STAC3: variants seen among roughly 807,000 people sequenced by gnomAD.
STAC3 encodes SH3 and cysteine-rich domain-containing protein 3.
Under a neutral mutation model 48.5 loss-of-function variants are expected in STAC3, and 30 were observed. The observed-to-expected ratio is 0.62, with a 90% CI of 0.46 to 0.84. The LOEUF is 0.84. Ranked by LOEUF, STAC3 falls within the 40% of genes least tolerant of loss-of-function variation. The probability of loss-of-function intolerance (pLI) is 0.00; values close to 1 mark genes in which losing one functional copy is unlikely to be tolerated. For missense variants in STAC3, 419 were observed against 462.6 expected, an observed-to-expected ratio of 0.91 and a Z score of 0.86; for synonymous variants, 144 against 158.6, an observed-to-expected ratio of 0.91 and a Z score of 0.69.
In STAC3 at chr12:57,246,205, A is replaced by G. The variant is rs555141837; in HGVS notation, c.603+599T>C. Among the ~76,000 whole-genome samples, 11 of 152,038 alleles carry G rather than the reference A, an allele frequency of 7.2e-5. No individual in the cohort carries two copies. The East Asian group carries it at 1.4e-3, about 19-fold the overall frequency. ...TATGTTAGCCCTTCTGGAAGCAGCC[A>G]TATCACATTGCTAGTGCCTTACAAG... On this transcript the variant is annotated intron_variant, in intron 6 of 11. Coordinates refer to ENST00000332782, the MANE Select transcript of STAC3 (RefSeq NM_145064.3).
chr12:57,250,626 G>A (rs2037879233), intron 1 of STAC3, among the ~76,000 whole-genome samples: 1 of 152,132 alleles, frequency 6.6e-6, no homozygotes, highest in Non-Finnish European at 1.5e-5. Flanking sequence ...TCTTCAAGAG[G>A]TTTAATGTGT....
intron 2 of STAC3, 86 bp from the exon 3 acceptor site, chr12:57,249,394 T>C: frequency 6.6e-7 from 1 of 1,508,606 alleles, no homozygotes; most frequent in Non-Finnish European, 8.9e-7. Context: ...AACTAGACAG[T>C]TTTCTAGTTT....
intron 6 of STAC3, among the ~76,000 whole-genome samples, chr12:57,245,608 G>T (rs2136825518): frequency 6.6e-6 from 1 of 152,160 alleles, no homozygotes. Flanking sequence ...CTGACCTCGT[G>T]ATCCACCAGC....
At chr12:57,250,281 T>C (rs2037869820) in intron 1 of STAC3, among the ~76,000 whole-genome samples, 1 of 149,008 alleles carries the variant, frequency 6.7e-6, no homozygotes, top group Non-Finnish European at 1.5e-5. Flanking sequence ...TCCCATCCAC[T>C]CAGGAAGCTG....
rs754506988 is a variant in STAC3, at chr12:57,248,703, C to G, written c.432+3G>C. 6.2e-7 allele frequency: 1 copy of G among 1,612,696 alleles called. No homozygotes were observed. Among genetic ancestry groups the G allele is most frequent in the South Asian group, 1.1e-5 (1 of 91,010 alleles). On this transcript the variant is annotated splice_donor_region_variant and intron_variant, in intron 4 of 11. Coordinates refer to ENST00000332782, the MANE Select transcript of STAC3 (RefSeq NM_145064.3). ...CCCTCCTTGCTCTCCACAGCCTACT[C>G]ACGATCTTGCCGAAGCATCTCTGCA...
intron 8 of STAC3, 29 bp from the exon 9 acceptor site, chr12:57,244,651 A>G: frequency 3.1e-6 from 5 of 1,612,808 alleles, no homozygotes; most frequent in Non-Finnish European, 4.2e-6. Context: ...GATGAGTCTT[A>G]GGGCTCCTCT....
At chr12:57,247,887 G>T (rs2037791114) in intron 5 of STAC3, among the ~76,000 whole-genome samples, 2 of 152,184 alleles carry the variant, frequency 1.3e-5, no homozygotes, top group Admixed American at 6.5e-5. Flanking sequence ...AGCAACTGAA[G>T]ATTCCAGTCT....
In STAC3 at chr12:57,244,244, A is replaced by G. The variant is rs1339495630; in HGVS notation, c.859-19T>C. ...TTTTCCCCTAGGGAAGATAGTAGGG[A>G]GAGTCCATCTCTCAATGTCGGGTTC... On this transcript the variant is annotated intron_variant, in intron 10 of 11. Transcript: ENST00000332782. 5 of 1,614,190 alleles carry G rather than the reference A, an allele frequency of 3.1e-6. No homozygotes were observed. Among genetic ancestry groups the G allele is most frequent in the Non-Finnish European group, 4.2e-6 (5 of 1,180,034 alleles).
intron 7 of STAC3, 22 bp downstream of exon 7, chr12:57,245,123 G>C (rs762559982): frequency 1.9e-6 from 3 of 1,613,474 alleles, no homozygotes; most frequent in Non-Finnish European, 2.5e-6. Flanking sequence ...TCCATCTCTG[G>C]ATGGAGGTGG....
chr12:57,250,000 C>T (rs2037864526), intron 1 of STAC3, among the ~76,000 whole-genome samples: 1 of 152,156 alleles, frequency 6.6e-6, no homozygotes, highest in African/African-American at 2.4e-5. Flanking sequence ...CCTGTTTCAA[C>T]CTCCCAAATT....
chr12:57,243,679 C>G lies in STAC3; in HGVS notation c.*133G>C, dbSNP rs1310168760. 1.2e-6 allele frequency: 1 copy of G among 837,056 alleles called. No individual in the cohort carries two copies. The allele number at this position is 837,056 out of a possible 1,614,324, so 51.9% of individuals were successfully genotyped here. On this transcript the variant is annotated 3_prime_UTR_variant, in exon 12 of 12. Transcript: ENST00000332782. ...CGAGAACCAGTCCCTTCCCGGAAGC[C>G]CCGTCGCGCTCAGGCGGGCCTTCCT...
rs988297897 is a variant in STAC3, at chr12:57,248,971, C to G, written c.334+70G>C. ...CACAGCCCATCTGCTACAAATACTC[C>G]TCTCCTATGCCCTCTCCCCAAACCT... On this transcript the variant is annotated intron_variant, in intron 3 of 11. Transcript: ENST00000332782. The G allele has an allele frequency of 2.5e-5, 39 of 1,560,926 alleles. No individual in the cohort carries two copies. In the Middle Eastern group the frequency reaches 5.2e-4, roughly 21 times the overall value.
At chr12:57,245,285 G>C in intron 6 of STAC3, 74 bp from the exon 7 acceptor site, 2 of 1,332,760 alleles carry the variant, frequency 1.5e-6, no homozygotes, top group Non-Finnish European at 2.1e-6. Context: ...TCAGGTCAGA[G>C]AACTATAGAA....
rs373808818 is a variant in STAC3, at chr12:57,244,170, C to T, written c.914G>A (p.Arg305Gln). The change falls in exon 11 of 12, where the codon CGG (arginine) becomes CAG (glutamine). Residue 305 changes from arginine to glutamine, a missense_variant. Transcript: ENST00000332782. Reference sequence around the variant, plus strand: ...CACGCGGTGCACACGTTCTCCAGCCCGGACCCGAATGATGAAGTTTGGAGG... The same window carrying T: ...CACGCGGTGCACACGTTCTCCAGCCTGGACCCGAATGATGAAGTTTGGAGG... ...FFPPNFIIRV[R>Q]AGERVHRVTR... The T allele has an allele frequency of 1.2e-6, 2 of 1,614,026 alleles. No homozygotes were observed. The highest frequency in any genetic ancestry group is 1.3e-5 in the African/African-American group (1 of 74,910).
At position 57,251,150 on chromosome 12, in the gene STAC3, ACCT is replaced by A. The variant is rs1369430381; in HGVS notation, c.-162_-160del. 1 of 454,586 alleles carries A rather than the reference ACCT, an allele frequency of 2.2e-6. No homozygotes were observed. The highest frequency in any genetic ancestry group is 4.4e-6 in the Non-Finnish European group (1 of 226,658). 28.2% of individuals were successfully genotyped at this position (454,586 alleles called of 1,614,324 possible). A position where few individuals can be genotyped will look rare whatever the true frequency, so the allele number is the denominator to read the frequency against. On this transcript the variant is annotated 5_prime_UTR_variant, in exon 1 of 12. Transcript: ENST00000332782. The stretch of plus-strand genomic sequence containing the variant: ...CCAGCTACCCAGTCGCTATTTGTAG[ACCT>A]CCTAGCCTCCTGCCTTGGTGTCAGG...
In STAC3 at chr12:57,246,917, G is replaced by A; in HGVS notation, c.506-16C>T. 6.2e-7 allele frequency: 1 copy of A among 1,610,780 alleles called. No individual in the cohort carries two copies. The highest frequency in any genetic ancestry group is 8.5e-7 in the Non-Finnish European group (1 of 1,177,472). The stretch of plus-strand genomic sequence containing the variant: ...TTGGCAGCAGCTAATCGAATGGGAG[G>A]AGAAAGAAGACATTATTGGGAAGGC... On this transcript the variant is annotated splice_polypyrimidine_tract_variant and intron_variant, in intron 5 of 11. Transcript: ENST00000332782.
At chr12:57,247,428 A>ATTTTTTTTTT (rs367784960) in intron 5 of STAC3, among the ~76,000 whole-genome samples, 11 of 58,558 alleles carry the variant, frequency 1.9e-4, no homozygotes, top group African/African-American at 6.2e-4. Context: ...TATTATTATT[A>ATTTTTTTTTT]TTTTTTTTTT....
At chr12:57,249,704 G>T in intron 1 of STAC3, 67 bp from the exon 2 acceptor site, 1 of 1,560,104 alleles carries the variant, frequency 6.4e-7, no homozygotes, top group Non-Finnish European at 8.8e-7. Flanking sequence ...TCTGTCCCTT[G>T]CAGTAGGGTG....
chr12:57,249,572 C>T lies in STAC3; in HGVS notation c.65G>A (p.Gly22Glu). The change falls in exon 2 of 12, where the codon GGG (glycine) becomes GAG (glutamate). Residue 22 changes from glycine to glutamate, a missense_variant and splice_region_variant. Coordinates refer to ENST00000332782, the MANE Select transcript of STAC3 (RefSeq NM_145064.3). Reference protein sequence around the residue: ...PSFPAETRQSGLQRLKQLLRK... With the variant: ...PSFPAETRQSELQRLKQLLRK... ...CAGTGGTCAGAGGCCCAGACTCACC[C>T]CACTTTGCCGAGTCTCTGCTGGGAA... The T allele has an allele frequency of 6.2e-7, 1 of 1,614,056 alleles. No individual in the cohort carries two copies. The highest frequency in any genetic ancestry group is 8.5e-7 in the Non-Finnish European group (1 of 1,180,002).
Sources: gnomAD v4.1 joint callset for allele counts (sites outside exome capture counted in the v4.1 genomes callset) on GRCh38, gnomAD v4.1.1 for gene constraint, MANE v1.5 for transcripts, NCBI Gene and HGNC (gene_info 2026-07-23, HGNC 2026-07-21) for gene names.